DDIAS: variants seen among roughly 807,000 people sequenced by gnomAD.
DDIAS encodes the protein DNA damage-induced apoptosis suppressor protein.
Under a neutral mutation model 15.7 loss-of-function variants are expected in DDIAS, and 14 were observed. The observed-to-expected ratio is 0.89, with a 90% CI of 0.59 to 1.39. The LOEUF (loss-of-function observed/expected upper bound fraction) is 1.39. Ranked by LOEUF, DDIAS falls within the 40% of genes most tolerant of loss-of-function variation. The pLI, the probability that DDIAS is intolerant of heterozygous loss-of-function variation, is 0.00. For synonymous variants in DDIAS, 355 were observed against 395.9 expected (o/e 0.90, Z 1.23); for missense variants, 1,035 against 1,130.9 (o/e 0.92, Z 1.22).
intron 3 of DDIAS, among the ~76,000 whole-genome samples, chr11:82,926,088 A>ATTTTT (rs71063242): frequency 0.3 from 40,627 of 133,516 alleles, 6,706 homozygotes; most frequent in Admixed American, 0.37. Context: ...TTGGCAAGTA[A>ATTTTT]TTTTTTTTTT....
intron 3 of DDIAS, among the ~76,000 whole-genome samples, chr11:82,920,522 CT>C (rs1860724142): frequency 1.3e-5 from 2 of 152,220 alleles, no homozygotes; most frequent in Admixed American, 1.3e-4. Flanking sequence ...GGACTATGAC[CT>C]TTCCTTTTAG....
Position 82,931,979 on chromosome 11 carries a change from T to C in DDIAS, c.641T>C (p.Leu214Pro). 6.2e-7 allele frequency: 1 copy of C among 1,614,180 alleles called. No homozygotes were observed. Among genetic ancestry groups the C allele is most frequent in the Non-Finnish European group, 8.5e-7 (1 of 1,180,006 alleles). ...LLALDHSNSDLSSIYTSDSTS... is the reference protein window; with the variant it reads ...LLALDHSNSDPSSIYTSDSTS... The stretch of plus-strand genomic sequence containing the variant: ...GCTTTAGATCACTCAAATAGTGATC[T>C]CAGCAGCATATATACTTCTGACAGC... Residue 214 changes from leucine to proline, a missense_variant, in exon 6 of 6, where the codon CTC (leucine) becomes CCC (proline). Transcript: ENST00000533655.
intron 1 of DDIAS, among the ~76,000 whole-genome samples, chr11:82,911,442 A>G (rs1328957304): frequency 6.7e-6 from 1 of 149,968 alleles, no homozygotes; most frequent in Non-Finnish European, 1.5e-5. Context: ...GTATCAAGAA[A>G]CTACTCTCTT....
At position 82,910,007 on chromosome 11, in the gene DDIAS, CTA is replaced by C. The variant is rs544754004; in HGVS notation, c.-116-3278_-116-3277del. Among the ~76,000 whole-genome samples, 63 of 152,208 alleles carry C rather than the reference CTA, an allele frequency of 4.1e-4. 1 individual carries two copies. The highest frequency in any genetic ancestry group is 1.3e-3 in the African/African-American group (55 of 41,538). Reference sequence around the variant, plus strand: ...TCTCCCTTCCATAGTCACCACATTTCTATGTTTGTCATCATCTTTAGAGTACT... The same window carrying C: ...TCTCCCTTCCATAGTCACCACATTTCTGTTTGTCATCATCTTTAGAGTACT... On this transcript the variant is annotated intron_variant, in intron 1 of 5. Transcript: ENST00000533655.
chr11:82,932,171 C>T lies in DDIAS; in HGVS notation c.833C>T (p.Ser278Phe). ...CTTCAGCAGAACAGAAAGTCCATCTCCATTGCAGAGGCCACTGGTTCCAGT... is the reference window on the plus strand; with the variant it reads ...CTTCAGCAGAACAGAAAGTCCATCTTCATTGCAGAGGCCACTGGTTCCAGT... Reference protein sequence around the residue: ...GTLQQNRKSISIAEATGSSSC... With the variant: ...GTLQQNRKSIFIAEATGSSSC... Residue 278 changes from serine (S) to phenylalanine (F), a missense_variant, in exon 6 of 6, where the codon TCC (serine) becomes TTC (phenylalanine). Ser to Phe is a radical substitution (Grantham distance 155, BLOSUM62 -2). Coordinates refer to ENST00000533655, the MANE Select transcript of DDIAS (RefSeq NM_145018.4). 6.2e-7 allele frequency: 1 copy of T among 1,614,168 alleles called. No individual in the cohort carries two copies. The highest frequency in any genetic ancestry group is 1.6e-4 in the Middle Eastern group (1 of 6,062).
At chr11:82,903,407 G>T (rs1165153291) in intron 1 of DDIAS, among the ~76,000 whole-genome samples, 1 of 152,216 alleles carries the variant, frequency 6.6e-6, no homozygotes, top group Non-Finnish European at 1.5e-5. Flanking sequence ...TGAGTTACTG[G>T]TTAGTGAGTA....
chr11:82,909,834 G>A (rs1277541450), intron 1 of DDIAS, among the ~76,000 whole-genome samples: 1 of 152,128 alleles, frequency 6.6e-6, no homozygotes, highest in Non-Finnish European at 1.5e-5. Flanking sequence ...TCTCTTTTCT[G>A]TGCTCCCTTC....
chr11:82,929,070 CAAGT>C, intron 4 of DDIAS, 132 bp downstream of exon 4: 1 of 989,192 alleles, frequency 1.0e-6, no homozygotes, highest in Non-Finnish European at 1.5e-6. Context: ...AAAAGACAAG[CAAGT>C]AAGAAAGATG....
At chr11:82,926,622 A>C (rs1860868069) in intron 3 of DDIAS, among the ~76,000 whole-genome samples, 1 of 152,214 alleles carries the variant, frequency 6.6e-6, no homozygotes, top group Non-Finnish European at 1.5e-5. Context: ...CCTAAGGTAC[A>C]TCTGCATCAG....
Position 82,931,990 on chromosome 11 carries a change from T to C in DDIAS, c.652T>C (p.Tyr218His). The stretch of plus-strand genomic sequence containing the variant: ...CTCAAATAGTGATCTCAGCAGCATA[T>C]ATACTTCTGACAGCACTTCTGATTT... ...DHSNSDLSSIYTSDSTSDFFK... is the reference protein window; with the variant it reads ...DHSNSDLSSIHTSDSTSDFFK... The change falls in exon 6 of 6, where the codon TAT becomes CAT. Residue 218 changes from tyrosine to histidine, a missense_variant. Tyr to His is a moderately conservative substitution (Grantham distance 83). Coordinates refer to ENST00000533655, the MANE Select transcript of DDIAS (RefSeq NM_145018.4). 2 of 1,614,182 alleles carry C rather than the reference T, an allele frequency of 1.2e-6. No individual in the cohort carries two copies. Among genetic ancestry groups the C allele is most frequent in the Non-Finnish European group, 1.7e-6 (2 of 1,180,004 alleles).
Position 82,902,585 on chromosome 11 carries a change from C to T in DDIAS, c.-117+763C>T, listed in dbSNP as rs1010606697. ...GACTTACAGACTCTTTCCTATCTGA[C>T]TTTTGCCTGGCTCTTCAGCCCTAGT... On this transcript the variant is annotated intron_variant, in intron 1 of 5. Coordinates refer to ENST00000533655, the MANE Select transcript of DDIAS (RefSeq NM_145018.4). Among the ~76,000 whole-genome samples the T allele has an allele frequency of 8.5e-5, 13 of 152,314 alleles. No homozygotes were observed. The East Asian group carries it at 2.5e-3, about 29-fold the overall frequency.
intron 3 of DDIAS, among the ~76,000 whole-genome samples, chr11:82,920,599 AT>A (rs1860725524): frequency 6.6e-6 from 1 of 152,156 alleles, no homozygotes; most frequent in Admixed American, 6.6e-5. Flanking sequence ...AGTTTGAAGA[AT>A]TTTTAAATTT....
intron 1 of DDIAS, among the ~76,000 whole-genome samples, chr11:82,909,047 C>T (rs750309811): frequency 6.6e-6 from 1 of 152,096 alleles, no homozygotes; most frequent in Non-Finnish European, 1.5e-5. Context: ...TCTTTGATCT[C>T]GCACAAGAAA....
At chr11:82,926,800 G>A (rs773648965) in intron 3 of DDIAS, among the ~76,000 whole-genome samples, 3 of 152,150 alleles carry the variant, frequency 2.0e-5, no homozygotes, top group Admixed American at 6.5e-5. Flanking sequence ...ATCCAGCATC[G>A]TTCCTAAAAG....
chr11:82,931,320 T>C (rs1213009993), intron 5 of DDIAS, among the ~76,000 whole-genome samples: 1 of 152,094 alleles, frequency 6.6e-6, no homozygotes, highest in East Asian at 1.9e-4. Flanking sequence ...ATGGAGGTAA[T>C]AGTTGTATCT....
At chr11:82,903,038 A>G (rs901131237) in intron 1 of DDIAS, among the ~76,000 whole-genome samples, 1 of 152,262 alleles carries the variant, frequency 6.6e-6, no homozygotes, top group Non-Finnish European at 1.5e-5. Context: ...AAAGAGGGAA[A>G]GAAAAACATT....
In DDIAS at chr11:82,933,648, A is replaced by G. The variant is rs372561955; in HGVS notation, c.2310A>G (p.Pro770=). ...TTGAAAATAGTCAAGACTTTGTTCC[A>G]TGTTCACAGTCAACTCCAATTTCAG... is the stretch of plus-strand genomic sequence containing the variant. The part of the protein sequence containing the change: ...YNFENSQDFV[P]CSQSTPISGF... Residue 770 remains proline, a synonymous_variant, in exon 6 of 6, where the codon CCA becomes CCG. Transcript: ENST00000533655. 6 of 1,613,952 alleles carry G rather than the reference A, an allele frequency of 3.7e-6. No individual in the cohort carries two copies. The highest frequency in any genetic ancestry group is 2.7e-5 in the African/African-American group (2 of 74,928).
intron 3 of DDIAS, among the ~76,000 whole-genome samples, chr11:82,926,829 A>G (rs1271329461): frequency 6.6e-6 from 1 of 152,210 alleles, no homozygotes; most frequent in Non-Finnish European, 1.5e-5. Context: ...AAAACTATAT[A>G]AATAAATATC....
rs541845327 is a variant in DDIAS, at chr11:82,928,177, C to CTTTTTTTT, written c.114-568_114-561dup. ...ATATTTTGAGATTATTTTTTGTCCTCTTTTTTTTTTTTTTTTTTTTTTTTT... is the reference window on the plus strand; with the variant it reads ...ATATTTTGAGATTATTTTTTGTCCTCTTTTTTTTTTTTTTTTTTTTTTTTTTTTTTTTT... On this transcript the variant is annotated intron_variant, in intron 3 of 5. Transcript: ENST00000533655. 2.0e-3 allele frequency among the ~76,000 whole-genome samples: 68 copies of CTTTTTTTT among 34,208 alleles called. 20 individuals are homozygous for CTTTTTTTT. The highest frequency in any genetic ancestry group is 0.029 in the Middle Eastern group (1 of 34). 22.4% of individuals were successfully genotyped at this position (34,208 alleles called of 152,430 possible).
Sources: gnomAD v4.1 joint callset for allele counts (sites outside exome capture counted in the v4.1 genomes callset) on GRCh38, gnomAD v4.1.1 for gene constraint, MANE v1.5 for transcripts, NCBI Gene and HGNC (gene_info 2026-07-23, HGNC 2026-07-21) for gene names.